The following RELN variants were observed in gnomAD, a reference collection of about 807,000 sequenced individuals.
RELN encodes the protein reelin.
RELN carries 108 observed loss-of-function variants against 427.6 expected under a neutral mutation model. That is an observed-to-expected ratio of 0.25 (90% CI 0.22 to 0.30). RELN has a LOEUF of 0.30. Among genes scored for constraint, RELN ranks in the 10% least tolerant of loss-of-function variants. The pLI is 1.00. For synonymous variants in RELN, 1,524 were observed against 1,513.4 expected (o/e 1.01, Z -0.16); for missense variants, 3,715 against 4,302.8 (o/e 0.86, Z 3.82).
chr7:103,985,177 T>C (rs918436020), intron 1 of RELN, among the ~76,000 whole-genome samples: 17 of 152,184 alleles, frequency 1.1e-4, no homozygotes, highest in African/African-American at 3.1e-4. Context: ...GGAGTAGATA[T>C]ACAGCATGAA....
chr7:103,924,469 G>A (rs942244161), intron 1 of RELN, among the ~76,000 whole-genome samples: 4 of 152,118 alleles, frequency 2.6e-5, no homozygotes, highest in Admixed American at 2.6e-4. Flanking sequence ...AGAATGCCGT[G>A]CAAATGCTTT....
At chr7:103,697,303 A>G (rs190360636) in intron 10 of RELN, among the ~76,000 whole-genome samples, 2 of 152,266 alleles carry the variant, frequency 1.3e-5, no homozygotes, top group African/African-American at 4.8e-5. Flanking sequence ...CATTCAGCCC[A>G]CAACACAGCC....
intron 28 of RELN, among the ~76,000 whole-genome samples, chr7:103,585,132 A>G (rs1424065858): frequency 6.6e-6 from 1 of 152,174 alleles, no homozygotes; most frequent in African/African-American, 2.4e-5. Context: ...TAACAACTTA[A>G]CATTGCACCT....
chr7:103,610,900 A>G lies in RELN; in HGVS notation c.2896-93T>C, dbSNP rs1584342722. The stretch of plus-strand genomic sequence containing the variant: ...CCACTGTAAGTGAAAAAGACCTCAG[A>G]GAAATCTAATGTCATAATCTTAACT... On this transcript the variant is annotated intron_variant, in intron 21 of 64. Coordinates refer to ENST00000428762, the MANE Select transcript of RELN (RefSeq NM_005045.4). 5.3e-6 allele frequency: 4 copies of G among 754,762 alleles called. No individual in the cohort carries two copies. In the East Asian group the frequency reaches 1.0e-4, roughly 19 times the overall value. The allele number at this position is 754,762 out of a possible 1,614,324, so 46.8% of individuals were successfully genotyped here.
chr7:103,645,386 C>T (rs766896151), intron 16 of RELN, among the ~76,000 whole-genome samples: 9 of 151,446 alleles, frequency 5.9e-5, no homozygotes, highest in Non-Finnish European at 8.9e-5. Context: ...ACAAAAAATC[C>T]CACCTAACTG....
chr7:103,515,268 A>T lies in RELN; in HGVS notation c.8036T>A (p.Val2679Glu), dbSNP rs371701444. 23 of 1,614,058 alleles carry T rather than the reference A, an allele frequency of 1.4e-5. No individual in the cohort carries two copies. The highest frequency in any genetic ancestry group is 1.9e-5 in the Non-Finnish European group (22 of 1,180,028). The change falls in exon 50 of 65, where the codon GTA (valine) becomes GAA (glutamate). Residue 2679 changes from valine (V) to glutamate (E), a missense_variant. Physicochemically the swap from Val to Glu is moderately radical, Grantham distance 121. This residue lies in a region of RELN where 1,310 missense variants were observed against 1,643.0 expected (regional missense o/e 0.80). Coordinates refer to ENST00000428762, the MANE Select transcript of RELN (RefSeq NM_005045.4). ...VMLDTFSSAP[V>E]PQHERSPADA... ...TGCAGGGGAGCGCTCATGCTGGGGT[A>T]CTGGGGCGCTGCTGAAGGTGTCCAG...
At chr7:103,741,800 T>A (rs116384141) in intron 6 of RELN, among the ~76,000 whole-genome samples, 1 of 151,962 alleles carries the variant, frequency 6.6e-6, no homozygotes, top group African/African-American at 2.4e-5. Flanking sequence ...AAGAAGATAT[T>A]TGAGGGGGAG....
intron 42 of RELN, among the ~76,000 whole-genome samples, chr7:103,543,353 A>G (rs1830216457): frequency 6.6e-6 from 1 of 152,180 alleles, no homozygotes; most frequent in Non-Finnish European, 1.5e-5. Context: ...CCTATTAAAT[A>G]ACGCCTTTAA....
At chr7:103,597,519 C>T (rs769860848) in intron 24 of RELN, among the ~76,000 whole-genome samples, 1 of 152,162 alleles carries the variant, frequency 6.6e-6, no homozygotes, top group Non-Finnish European at 1.5e-5. Context: ...AGGAGAATCA[C>T]TTAAACCTGG....
intron 1 of RELN, among the ~76,000 whole-genome samples, chr7:103,942,075 A>C (rs1796126387): frequency 1.3e-5 from 2 of 152,150 alleles, no homozygotes; most frequent in Admixed American, 1.3e-4. Flanking sequence ...GCAAAAACTA[A>C]ATTTGTGCCT....
chr7:103,832,822 A>G (rs1284678976), intron 3 of RELN, among the ~76,000 whole-genome samples: 8 of 151,968 alleles, frequency 5.3e-5, no homozygotes, highest in African/African-American at 1.9e-4. Context: ...AAATGATCCC[A>G]TTTTCTGCTT....
Position 103,837,892 on chromosome 7 carries a change from T to C in RELN, c.338-4220A>G, listed in dbSNP as rs138669982. Among the ~76,000 whole-genome samples the C allele has an allele frequency of 1.8e-3, 274 of 152,106 alleles. 2 individuals are homozygous for C. The highest frequency in any genetic ancestry group is 5.5e-3 in the African/African-American group (229 of 41,494). ...TCTCAAGAAATATTTTCTGAATACA[T>C]AGAAACGGTAAAGACTGTAAAAAAG... On this transcript the variant is annotated intron_variant, in intron 2 of 64. Coordinates refer to ENST00000428762, the MANE Select transcript of RELN (RefSeq NM_005045.4).
At chr7:103,754,965 C>T (rs1400569977) in intron 4 of RELN, among the ~76,000 whole-genome samples, 2 of 152,038 alleles carry the variant, frequency 1.3e-5, no homozygotes, top group African/African-American at 2.4e-5. Flanking sequence ...CTGATATCTA[C>T]GAAGAACATC....
intron 6 of RELN, among the ~76,000 whole-genome samples, chr7:103,747,351 C>CAT (rs915943372): frequency 1.3e-5 from 2 of 151,328 alleles, no homozygotes; most frequent in African/African-American, 2.4e-5. Flanking sequence ...TAATATGGCA[C>CAT]ATATATATAT....
intron 64 of RELN, 154 bp from the exon 65 acceptor site, chr7:103,473,062 A>C: frequency 1.3e-6 from 1 of 747,808 alleles, no homozygotes; most frequent in South Asian, 1.4e-5. Flanking sequence ...ATTACCACCC[A>C]GGGTCAGAGG....
At chr7:103,898,622 T>G (rs1332928383) in intron 2 of RELN, among the ~76,000 whole-genome samples, 1 of 151,718 alleles carries the variant, frequency 6.6e-6, no homozygotes, top group Admixed American at 6.6e-5. Context: ...TAAACATCTT[T>G]GCCAAAGTTA....
At chr7:103,582,540 G>A (rs1831176029) in intron 28 of RELN, among the ~76,000 whole-genome samples, 1 of 152,156 alleles carries the variant, frequency 6.6e-6, no homozygotes, top group African/African-American at 2.4e-5. Context: ...TAAAGATTAT[G>A]TTTCAAAGTT....
At chr7:103,853,357 T>C (rs1793869829) in intron 2 of RELN, among the ~76,000 whole-genome samples, 1 of 152,074 alleles carries the variant, frequency 6.6e-6, no homozygotes, top group Non-Finnish European at 1.5e-5. Context: ...TTATTTTTAA[T>C]AAATCACAGG....
At position 103,835,790 on chromosome 7, in the gene RELN, A is replaced by G. The variant is rs181917073; in HGVS notation, c.338-2118T>C. The stretch of plus-strand genomic sequence containing the variant: ...ATGCCTTCTATACCTTAAAGTTGCT[A>G]TAAGTAGTAAATGGCCCAATACATA... On this transcript the variant is annotated intron_variant, in intron 2 of 64. Coordinates refer to ENST00000428762, the MANE Select transcript of RELN (RefSeq NM_005045.4). 8.5e-5 allele frequency among the ~76,000 whole-genome samples: 13 copies of G among 152,208 alleles called. No homozygotes were observed. In the East Asian group the frequency reaches 2.1e-3, roughly 25 times the overall value.
Sources: allele counts gnomAD v4.1 joint callset (sites outside exome capture counted in the v4.1 genomes callset), GRCh38; gene constraint gnomAD v4.1.1; regional missense constraint gnomAD v4.1.1; transcripts MANE v1.5; gene names NCBI Gene and HGNC (gene_info 2026-07-23, HGNC 2026-07-21).